The following GSE1 variants were observed in gnomAD, a reference collection of about 807,000 sequenced individuals.
The protein encoded by GSE1 is genetic suppressor element 1.
In GSE1, 32 loss-of-function variants were observed where a neutral mutation model predicts 112.6. That is an observed-to-expected ratio of 0.28 (90% CI 0.21 to 0.38). The LOEUF is 0.38. Among genes scored for constraint, GSE1 ranks in the 10% least tolerant of loss-of-function variants. The probability of loss-of-function intolerance (pLI) is 1.00; values close to 1 mark genes in which losing one functional copy is unlikely to be tolerated. For missense variants in GSE1, 2,348 were observed against 1,699.2 expected (o/e 1.38, Z -6.71); for synonymous variants, 1,115 against 735.6 (o/e 1.52, Z -8.35).
At chr16:85,546,166 C>T (rs1272506382) in intron 2 of GSE1, among the ~76,000 whole-genome samples, 1 of 151,042 alleles carries the variant, frequency 6.6e-6, no homozygotes, top group Non-Finnish European at 1.5e-5. Flanking sequence ...CTCACTGCAC[C>T]TTCCGCCTCC....
intron 2 of GSE1, among the ~76,000 whole-genome samples, chr16:85,425,584 AG>A (rs1164076741): frequency 5.3e-5 from 8 of 152,216 alleles, no homozygotes; most frequent in Admixed American, 3.3e-4. Context: ...ACTGAGCCGC[AG>A]GGAAGAGGCG....
chr16:85,669,968 A>G (rs540628308), intron 14 of GSE1, among the ~76,000 whole-genome samples: 10 of 152,290 alleles, frequency 6.6e-5, no homozygotes, highest in African/African-American at 2.4e-4. Context: ...TCCCCCAAGG[A>G]CTTTTCCCCT....
intron 1 of GSE1, among the ~76,000 whole-genome samples, chr16:85,274,581 C>T (rs1909170343): frequency 1.3e-5 from 2 of 152,142 alleles, no homozygotes; most frequent in Non-Finnish European, 2.9e-5. Context: ...AATGGGCAGC[C>T]GTCGAGGCCT....
At chr16:85,194,628 G>C (rs1305731253) in intron 1 of GSE1, among the ~76,000 whole-genome samples, 1 of 152,106 alleles carries the variant, frequency 6.6e-6, no homozygotes, top group African/African-American at 2.4e-5. Flanking sequence ...TTTCCCCCTT[G>C]CTCAAATGCA....
intron 2 of GSE1, among the ~76,000 whole-genome samples, chr16:85,486,521 C>G (rs573526070): frequency 7.2e-5 from 11 of 152,364 alleles, no homozygotes; most frequent in African/African-American, 2.6e-4. Flanking sequence ...TGGCATGTCT[C>G]CTGTCTTAGA....
chr16:85,429,538 T>C (rs1207428912), intron 2 of GSE1, among the ~76,000 whole-genome samples: 2 of 152,182 alleles, frequency 1.3e-5, no homozygotes, highest in East Asian at 3.9e-4. Context: ...GGCTCCCATG[T>C]CCCTGGGGAC....
chr16:85,629,167 C>T (rs2049328756), intron 1 of GSE1, among the ~76,000 whole-genome samples: 1 of 152,248 alleles, frequency 6.6e-6, no homozygotes, highest in South Asian at 2.1e-4. Flanking sequence ...CAGCACCACG[C>T]TTCCTGTACA....
At chr16:85,246,072 G>A (rs1295494031) in intron 1 of GSE1, among the ~76,000 whole-genome samples, 1 of 151,654 alleles carries the variant, frequency 6.6e-6, no homozygotes, top group Non-Finnish European at 1.5e-5. Flanking sequence ...GTGTGTGACT[G>A]TGTGAATGCT....
At chr16:85,663,122 C>T in intron 10 of GSE1, 29 bp downstream of exon 10, 1 of 1,471,360 alleles carries the variant, frequency 6.8e-7, no homozygotes. Flanking sequence ...CACGGACATG[C>T]TCTGGGCTGG....
At chr16:85,356,274 G>A (rs1366307189) in intron 1 of GSE1, among the ~76,000 whole-genome samples, 3 of 152,240 alleles carry the variant, frequency 2.0e-5, no homozygotes, top group Non-Finnish European at 2.9e-5. Context: ...CCAGGTGCAC[G>A]CAGGATGGAG....
chr16:85,555,423 G>T (rs949360133), upstream of GSE1: 3 of 982,154 alleles, frequency 3.1e-6, no homozygotes, highest in South Asian at 4.7e-5. Context: ...GTGGCGAGAG[G>T]GGGAGGGGAG....
At chr16:85,235,806 C>T in intron 1 of GSE1, among the ~76,000 whole-genome samples, 1 of 151,952 alleles carries the variant, frequency 6.6e-6, no homozygotes, top group East Asian at 1.9e-4. Flanking sequence ...CCGGTGAGCG[C>T]GGCTGGCTGG....
chr16:85,340,233 C>A (rs1001869005), intron 1 of GSE1, among the ~76,000 whole-genome samples: 3 of 152,046 alleles, frequency 2.0e-5, no homozygotes, highest in African/African-American at 7.2e-5. Context: ...GTCTGTGGTC[C>A]CAGTTACCTG....
intron 1 of GSE1, among the ~76,000 whole-genome samples, chr16:85,335,714 G>C (rs1406770850): frequency 6.6e-6 from 1 of 152,254 alleles, no homozygotes; most frequent in African/African-American, 2.4e-5. Context: ...CCGGGAGAAA[G>C]AGAAGGAAAA....
intron 1 of GSE1, among the ~76,000 whole-genome samples, chr16:85,238,588 G>T (rs1904907648): frequency 1.3e-5 from 2 of 152,292 alleles, no homozygotes; most frequent in South Asian, 2.1e-4. Flanking sequence ...CCCCACTGGG[G>T]CCGCCAGCCT....
chr16:85,629,142 C>A (rs116654686), intron 1 of GSE1, among the ~76,000 whole-genome samples: 2,509 of 152,298 alleles, frequency 0.016, 68 homozygotes, highest in African/African-American at 0.058. Context: ...CTGAGGCCTC[C>A]CCAGAAGCAG....
At chr16:85,394,501 T>G (rs1026931285) in intron 2 of GSE1, among the ~76,000 whole-genome samples, 1 of 152,136 alleles carries the variant, frequency 6.6e-6, no homozygotes, top group African/African-American at 2.4e-5. Context: ...GATGAGCGGC[T>G]TGAGGGGGCT....
chr16:85,428,964 C>T (rs1383296465), intron 2 of GSE1, among the ~76,000 whole-genome samples: 1 of 152,196 alleles, frequency 6.6e-6, no homozygotes, highest in Non-Finnish European at 1.5e-5. Context: ...TAAGGTACTC[C>T]TTCTGCCCAG....
chr16:85,536,639 G>C (rs1301504591), intron 2 of GSE1, among the ~76,000 whole-genome samples: 1 of 152,244 alleles, frequency 6.6e-6, no homozygotes, highest in Non-Finnish European at 1.5e-5. Flanking sequence ...CGAGGCCACG[G>C]GCCCTGCATG....
Sources: allele counts gnomAD v4.1 joint callset (sites outside exome capture counted in the v4.1 genomes callset), GRCh38; gene constraint gnomAD v4.1.1; transcripts MANE v1.5; gene names NCBI Gene and HGNC (gene_info 2026-07-23, HGNC 2026-07-21).